CHL1: variants seen among roughly 807,000 people sequenced by gnomAD.
CHL1 encodes neural cell adhesion molecule L1-like protein.
CHL1 carries 96 observed loss-of-function variants against 141.9 expected under a neutral mutation model. The ratio of observed to expected loss-of-function variants is 0.68; its 90% CI spans 0.57 to 0.80. The LOEUF (loss-of-function observed/expected upper bound fraction) is 0.80. CHL1 is among the 30% of genes least tolerant of loss of function. The probability of loss-of-function intolerance (pLI) is 0.00; values close to 1 mark genes in which losing one functional copy is unlikely to be tolerated. For missense variants in CHL1, 1,820 were observed against 1,457.2 expected (o/e 1.25, Z -4.05); for synonymous variants, 613 against 502.2 (o/e 1.22, Z -2.95).
chr3:278,368 C>T lies in CHL1; in HGVS notation c.-95+33676C>T, dbSNP rs114154706. On this transcript the variant is annotated intron_variant, in intron 2 of 27. Transcript: ENST00000256509. ...CCACAATCCCCATTGCGCTAAGTGG[C>T]GGCTAATGTGGGAGCTGTCATGTTT... Among the ~76,000 whole-genome samples, 1,365 of 152,238 alleles carry T rather than the reference C, an allele frequency of 9.0e-3. 17 individuals carry two copies. Among genetic ancestry groups the T allele is most frequent in the African/African-American group, 0.031 (1,292 of 41,524 alleles).
chr3:340,018 G>T (rs1158501315), intron 5 of CHL1, among the ~76,000 whole-genome samples: 1 of 152,068 alleles, frequency 6.6e-6, no homozygotes, highest in Non-Finnish European at 1.5e-5. Flanking sequence ...AATACATTTT[G>T]AATATCCTTA....
At chr3:366,141 T>C (rs751725198) in intron 15 of CHL1, 26 bp downstream of exon 15, 1 of 1,600,982 alleles carries the variant, frequency 6.2e-7, no homozygotes, top group Non-Finnish European at 8.5e-7. Flanking sequence ...TGATATGTCA[T>C]AATATTTGCT....
Position 365,906 on chromosome 3 carries a change from A to G in CHL1, c.1586-44A>G, listed in dbSNP as rs750885199. 3.9e-6 allele frequency: 6 copies of G among 1,527,050 alleles called. No individual in the cohort carries two copies. In the South Asian group the frequency reaches 5.8e-5, roughly 15 times the overall value. 94.6% of individuals were successfully genotyped at this position (1,527,050 alleles called of 1,614,324 possible). On this transcript the variant is annotated intron_variant, in intron 14 of 27. Transcript: ENST00000256509. ...CTTGCAGGCACTTAATAACAAAGTA[A>G]GTTACGCTTAGTTCTAACTAATATC...
chr3:383,961 G>C, intron 19 of CHL1, 75 bp downstream of exon 19: 1 of 912,630 alleles, frequency 1.1e-6, no homozygotes, highest in Non-Finnish European at 1.7e-6. Context: ...TAACTACAAT[G>C]ATAGCACAAC....
rs1487572949 is a variant in CHL1 at position 382,680 on chromosome 3, G to T, written c.2176+9G>T. 1 of 1,611,452 alleles carries T rather than the reference G, an allele frequency of 6.2e-7. No homozygotes were observed. The highest frequency in any genetic ancestry group is 8.5e-7 in the Non-Finnish European group (1 of 1,177,872). On this transcript the variant is annotated intron_variant, in intron 18 of 27. Transcript: ENST00000256509. ...TGAAACACCACCAGCAGGTATGCAG[G>T]TTCTCACATCAGGTTTCTAACAAAA...
At chr3:390,899 C>G in intron 21 of CHL1, 56 bp from the exon 22 acceptor site, 1 of 1,541,812 alleles carries the variant, frequency 6.5e-7, no homozygotes, top group Non-Finnish European at 9.0e-7. Context: ...CAGAAGAAGT[C>G]AAAGAGAATC....
At chr3:362,357 AG>A (rs1704345855) in intron 13 of CHL1, among the ~76,000 whole-genome samples, 1 of 152,186 alleles carries the variant, frequency 6.6e-6, no homozygotes. Context: ...ATTGGTCTGT[AG>A]GGCAGTGTGA....
At chr3:253,806 G>C (rs1027432917) in intron 2 of CHL1, among the ~76,000 whole-genome samples, 2 of 151,970 alleles carry the variant, frequency 1.3e-5, no homozygotes, top group Non-Finnish European at 2.9e-5. Flanking sequence ...CGAATAAATG[G>C]ATAAAAAGAG....
chr3:225,648 A>G (rs1701252861), intron 1 of CHL1, among the ~76,000 whole-genome samples: 1 of 152,122 alleles, frequency 6.6e-6, no homozygotes, highest in South Asian at 2.1e-4. Flanking sequence ...ACACAAAACC[A>G]CCACTGTCCA....
chr3:273,869 C>G (rs923018630), intron 2 of CHL1, among the ~76,000 whole-genome samples: 2 of 152,154 alleles, frequency 1.3e-5, no homozygotes, highest in Admixed American at 6.5e-5. Context: ...ATGTTCCATG[C>G]TGTAACCAGA....
At chr3:371,642 G>A (rs1348195006) in intron 15 of CHL1, among the ~76,000 whole-genome samples, 1 of 152,132 alleles carries the variant, frequency 6.6e-6, no homozygotes, top group East Asian at 1.9e-4. Context: ...ATTTGATCCT[G>A]TCATCATGAT....
rs1050079761 is a variant in CHL1 at position 235,036 on chromosome 3, G to T, written c.-174-9577G>T. Reference sequence around the variant, plus strand: ...TTTGTAATTATACTTTAAGTTTTAGGGTACATGTGCACATTGTGCAGGTTA... The same window carrying T: ...TTTGTAATTATACTTTAAGTTTTAGTGTACATGTGCACATTGTGCAGGTTA... On this transcript the variant is annotated intron_variant, in intron 1 of 27. Coordinates refer to ENST00000256509, the MANE Select transcript of CHL1 (RefSeq NM_006614.4). 1.0e-4 allele frequency among the ~76,000 whole-genome samples: 15 copies of T among 149,996 alleles called. 1 individual carries two copies. Among genetic ancestry groups the T allele is most frequent in the Non-Finnish European group, 4.4e-5 (3 of 67,516 alleles).
At chr3:291,470 T>TA (rs1559208721) in intron 2 of CHL1, among the ~76,000 whole-genome samples, 3 of 151,720 alleles carry the variant, frequency 2.0e-5, no homozygotes, top group Admixed American at 1.3e-4. Context: ...TTCTTTTTTT[T>TA]AACCTCAGAA....
At chr3:209,372 G>C (rs1041212761) in intron 1 of CHL1, among the ~76,000 whole-genome samples, 4 of 152,102 alleles carry the variant, frequency 2.6e-5, no homozygotes, top group African/African-American at 9.7e-5. Flanking sequence ...AGAAAGACTA[G>C]AAAAAGACAA....
intron 20 of CHL1, among the ~76,000 whole-genome samples, 172 bp downstream of exon 20, chr3:389,646 G>T (rs1232534053): frequency 6.6e-6 from 1 of 152,210 alleles, no homozygotes; most frequent in Non-Finnish European, 1.5e-5. Context: ...TTGATTGTAG[G>T]ACAGTTGATC....
intron 1 of CHL1, among the ~76,000 whole-genome samples, chr3:232,748 C>A (rs1404751015): frequency 2.0e-5 from 3 of 151,826 alleles, no homozygotes; most frequent in Non-Finnish European, 4.4e-5. Context: ...AGGTTGTTAG[C>A]TCCAGTTAAA....
chr3:263,180 A>G lies in CHL1; in HGVS notation c.-95+18488A>G, dbSNP rs569011883. Among the ~76,000 whole-genome samples, 3 of 152,284 alleles carry G rather than the reference A, an allele frequency of 2.0e-5. No individual in the cohort carries two copies. The East Asian group carries it at 5.8e-4, about 29-fold the overall frequency. Reference sequence around the variant, plus strand: ...GCTCCATCGCAGGCAAGGCCGACTCATTGACCCCAACTTCTGTCCACTCAA... The same window carrying G: ...GCTCCATCGCAGGCAAGGCCGACTCGTTGACCCCAACTTCTGTCCACTCAA... On this transcript the variant is annotated intron_variant, in intron 2 of 27. Coordinates refer to ENST00000256509, the MANE Select transcript of CHL1 (RefSeq NM_006614.4).
intron 5 of CHL1, among the ~76,000 whole-genome samples, chr3:334,305 G>A (rs148607224): frequency 3.2e-3 from 481 of 152,178 alleles, no homozygotes; most frequent in African/African-American, 0.011. Context: ...CTGAATAGCT[G>A]GGATTATTGG....
chr3:260,596 G>T (rs536340415), intron 2 of CHL1, among the ~76,000 whole-genome samples: 2 of 152,162 alleles, frequency 1.3e-5, no homozygotes, highest in African/African-American at 2.4e-5. Context: ...ACAGGCACTT[G>T]CAGACTGCCA....
Sources: allele counts gnomAD v4.1 joint callset (sites outside exome capture counted in the v4.1 genomes callset), GRCh38; gene constraint gnomAD v4.1.1; transcripts MANE v1.5; gene names NCBI Gene and HGNC (gene_info 2026-07-23, HGNC 2026-07-21).